Variants in SP4 observed in about 807,000 individuals in gnomAD.
SP4 encodes the protein transcription factor Sp4.
A neutral mutation model predicts 72.8 loss-of-function variants in SP4; 19 were observed. The ratio of observed to expected loss-of-function variants is 0.26; its 90% CI spans 0.18 to 0.38. SP4 has a LOEUF of 0.38. Among genes scored for constraint, SP4 ranks in the 10% least tolerant of loss-of-function variants. The pLI is 1.00. For missense variants in SP4, 1,008 were observed against 926.3 expected (o/e 1.09, Z -1.14); for synonymous variants, 395 against 333.1 (o/e 1.19, Z -2.02).
In SP4 at chr7:21,430,093, T is replaced by A; in HGVS notation, c.928T>A (p.Ser310Thr). Residue 310 changes from serine to threonine, a missense_variant, in exon 3 of 6, where the codon TCT becomes ACT. By Grantham distance (58) the Ser-to-Thr change is moderately conservative. Transcript: ENST00000222584. ...LVSTPTNTTT[S>T]ASTMPESPSS... ...TTCCACACCCACCAACACCACTACT[T>A]CTGCCAGTACTATGCCAGAATCTCC... 1 of 1,614,160 alleles carries A rather than the reference T, an allele frequency of 6.2e-7. No homozygotes were observed. The highest frequency in any genetic ancestry group is 8.5e-7 in the Non-Finnish European group (1 of 1,180,028).
chr7:21,451,068 A>G (rs1036637310), intron 3 of SP4, among the ~76,000 whole-genome samples: 1 of 152,146 alleles, frequency 6.6e-6, no homozygotes, highest in African/African-American at 2.4e-5. Context: ...GGCTGTCCAG[A>G]TGTGCAGTGG....
intron 4 of SP4, among the ~76,000 whole-genome samples, chr7:21,481,021 C>T (rs1381114946): frequency 6.6e-6 from 1 of 152,168 alleles, no homozygotes; most frequent in African/African-American, 2.4e-5. Context: ...GTTGCTGGGG[C>T]AGCAATAGCC....
chr7:21,428,244 A>G lies in SP4; in HGVS notation c.-8A>G, dbSNP rs757142659. ...TCTCCGTCTGAGGGTTTGTCCTGTT[A>G]ATGCGGGATGAGCGGTACGTATTCT... On this transcript the variant is annotated 5_prime_UTR_variant, in exon 1 of 6. Transcript: ENST00000222584. 2 of 1,263,362 alleles carry G rather than the reference A, an allele frequency of 1.6e-6. No homozygotes were observed. The highest frequency in any genetic ancestry group is 1.2e-5 in the South Asian group (1 of 80,152). The allele number at this position is 1,263,362 out of a possible 1,614,324, so 78.3% of individuals were successfully genotyped here.
Position 21,470,749 on chromosome 7 carries a change from GAAAA to G in SP4, c.1679-6313_1679-6310del, listed in dbSNP as rs11406915. ...TACCTTGGCCCAGTTTCTATATTTGGAAAAAAAAAAAAAAAAAAAAGCAGAACAA... is the reference window on the plus strand; with the variant it reads ...TACCTTGGCCCAGTTTCTATATTTGGAAAAAAAAAAAAAAAAGCAGAACAA... On this transcript the variant is annotated intron_variant, in intron 3 of 5. Coordinates refer to ENST00000222584, the MANE Select transcript of SP4 (RefSeq NM_003112.5). Among the ~76,000 whole-genome samples, 106 of 105,332 alleles carry G rather than the reference GAAAA, an allele frequency of 1.0e-3. 1 individual carries two copies. The East Asian group carries it at 0.018, about 18-fold the overall frequency. The allele number at this position is 105,332 out of a possible 152,430, so 69.1% of individuals were successfully genotyped here. A position where few individuals can be genotyped will look rare whatever the true frequency, so the allele number is the denominator to read the frequency against.
At chr7:21,435,109 G>A (rs1375126141) in intron 3 of SP4, among the ~76,000 whole-genome samples, 1 of 152,216 alleles carries the variant, frequency 6.6e-6, no homozygotes, top group Non-Finnish European at 1.5e-5. Context: ...GGTCCACAAT[G>A]TGACTTATTT....
chr7:21,462,893 A>C (rs536424849), intron 3 of SP4, among the ~76,000 whole-genome samples: 2 of 152,322 alleles, frequency 1.3e-5, no homozygotes, highest in South Asian at 4.1e-4. Flanking sequence ...TGTTTGAATC[A>C]TTTGATAAGA....
intron 3 of SP4, among the ~76,000 whole-genome samples, chr7:21,453,078 T>C (rs756815196): frequency 2.6e-5 from 4 of 152,180 alleles, no homozygotes; most frequent in Admixed American, 2.0e-4. Flanking sequence ...GTGCCCGACC[T>C]ACTCAATTGT....
chr7:21,492,755 A>T (rs559858013), intron 5 of SP4, among the ~76,000 whole-genome samples: 162 of 152,334 alleles, frequency 1.1e-3, no homozygotes, highest in Non-Finnish European at 2.1e-3. Flanking sequence ...TTTAAAAAGG[A>T]TCCAGCTGTA....
At chr7:21,459,543 T>C (rs1300831440) in intron 3 of SP4, among the ~76,000 whole-genome samples, 1 of 152,212 alleles carries the variant, frequency 6.6e-6, no homozygotes, top group Non-Finnish European at 1.5e-5. Flanking sequence ...CCAGGTAATA[T>C]ATTTTGAGCA....
At position 21,429,902 on chromosome 7, in the gene SP4, T is replaced by C. The variant is rs769869216; in HGVS notation, c.737T>C (p.Leu246Pro). The change falls in exon 3 of 6, where the codon CTT becomes CCT. Residue 246 changes from leucine (L) to proline (P), a missense_variant. Physicochemically the swap from Leu to Pro is moderately conservative, Grantham distance 98. This residue lies in a region of SP4 where 893 missense variants were observed against 743.3 expected (regional missense o/e 1.20). Transcript: ENST00000222584. ...TCAATACCACTGCAGTTACAGACTC[T>C]TCCTGGTACTCAGGCTCAAGTTGTA... Reference protein sequence around the residue: ...GVSIPLQLQTLPGTQAQVVTT... With the variant: ...GVSIPLQLQTPPGTQAQVVTT... 3 of 1,614,012 alleles carry C rather than the reference T, an allele frequency of 1.9e-6. No homozygotes were observed. Among genetic ancestry groups the C allele is most frequent in the Non-Finnish European group, 1.7e-6 (2 of 1,179,992 alleles).
Position 21,428,169 on chromosome 7 carries a change from C to CG in SP4, c.-81dup, listed in dbSNP as rs1782677407. On this transcript the variant is annotated 5_prime_UTR_variant, in exon 1 of 6. Transcript: ENST00000222584. The stretch of plus-strand genomic sequence containing the variant: ...CCGAGCCACCGCGGGCGGGCGGGAC[C>CG]GGCCTCTCCTCCCGCCTCGCCCCCA... 3.9e-6 allele frequency: 3 copies of CG among 767,472 alleles called. No individual in the cohort carries two copies. Among genetic ancestry groups the CG allele is most frequent in the Non-Finnish European group, 7.0e-6 (3 of 430,834 alleles). The allele number at this position is 767,472 out of a possible 1,614,324, so 47.5% of individuals were successfully genotyped here.
In SP4 at chr7:21,513,520, T is replaced by C. The variant is rs972230951; in HGVS notation, c.*2251T>C. The C allele has an allele frequency of 2.0e-5, 3 of 152,174 alleles. No individual in the cohort carries two copies. Among genetic ancestry groups the C allele is most frequent in the African/African-American group, 7.3e-5 (3 of 41,050 alleles). 9.4% of individuals were successfully genotyped at this position (152,174 alleles called of 1,614,324 possible). ...GGTAGTGTTCATTTTAATTTTATTA[T>C]ATAGGAGCTGAAACATCAAATATAT... On this transcript the variant is annotated 3_prime_UTR_variant, in exon 6 of 6. Coordinates refer to ENST00000222584, the MANE Select transcript of SP4 (RefSeq NM_003112.5).
rs1467173024 is a variant in SP4 at position 21,497,664 on chromosome 7, T to C, written c.2108-13358T>C. Among the ~76,000 whole-genome samples the C allele has an allele frequency of 2.6e-5, 4 of 152,322 alleles. No homozygotes were observed. In the East Asian group the frequency reaches 7.7e-4, roughly 29 times the overall value. On this transcript the variant is annotated intron_variant, in intron 5 of 5. Transcript: ENST00000222584. ...GTTGATGAGTTCTCTTTGTGACATG[T>C]TGAATGATGCTGTCTGTGGCACATC...
At chr7:21,493,725 C>G (rs988893261) in intron 5 of SP4, among the ~76,000 whole-genome samples, 1 of 152,048 alleles carries the variant, frequency 6.6e-6, no homozygotes, top group Non-Finnish European at 1.5e-5. Context: ...AAAGAAAACT[C>G]TGGGCCCGTA....
chr7:21,489,204 A>G (rs956804122), intron 5 of SP4, among the ~76,000 whole-genome samples: 2 of 152,250 alleles, frequency 1.3e-5, no homozygotes, highest in African/African-American at 4.8e-5. Context: ...AGTGGAAATG[A>G]AACAGATTCT....
intron 5 of SP4, among the ~76,000 whole-genome samples, chr7:21,492,981 C>T (rs1312763807): frequency 6.6e-6 from 1 of 152,150 alleles, no homozygotes; most frequent in Non-Finnish European, 1.5e-5. Context: ...AGGTGGATCA[C>T]CTGAGATCAG....
chr7:21,462,048 A>T (rs6974357), intron 3 of SP4, among the ~76,000 whole-genome samples: 27 of 140,534 alleles, frequency 1.9e-4, no homozygotes, highest in African/African-American at 5.9e-4. Context: ...TTTTTTTTGA[A>T]GACAGGATCT....
intron 3 of SP4, among the ~76,000 whole-genome samples, chr7:21,458,861 T>G (rs1783863825): frequency 1.3e-5 from 2 of 152,156 alleles, no homozygotes; most frequent in African/African-American, 4.8e-5. Flanking sequence ...AATCTAGTAT[T>G]TCCTGATTGC....
At chr7:21,441,234 G>T (rs1783235600) in intron 3 of SP4, among the ~76,000 whole-genome samples, 1 of 152,206 alleles carries the variant, frequency 6.6e-6, no homozygotes, top group Non-Finnish European at 1.5e-5. Context: ...GGGGTGACAG[G>T]TGAAGAGTGA....
Sources: gnomAD v4.1 joint callset for allele counts (sites outside exome capture counted in the v4.1 genomes callset) on GRCh38, gnomAD v4.1.1 for gene constraint, gnomAD v4.1.1 regional missense constraint, MANE v1.5 for transcripts, NCBI Gene and HGNC (gene_info 2026-07-23, HGNC 2026-07-21) for gene names.